The following IQSEC1 variants were observed in gnomAD, a reference collection of about 807,000 sequenced individuals.
IQSEC1 encodes the protein IQ motif and Sec7 domain ArfGEF 1.
A neutral mutation model predicts 91.0 loss-of-function variants in IQSEC1; 31 were observed. The ratio of observed to expected loss-of-function variants is 0.34; its 90% CI spans 0.26 to 0.46. IQSEC1 has a LOEUF of 0.46. IQSEC1 is among the 20% of genes least tolerant of loss of function. IQSEC1 has a pLI of 1.00. For synonymous variants in IQSEC1, 699 were observed against 662.6 expected, an observed-to-expected ratio of 1.05 and a Z score of -0.84; for missense variants, 1,388 against 1,575.6, an observed-to-expected ratio of 0.88 and a Z score of 2.02.
At chr3:12,999,716 G>A (rs1230459607) in intron 1 of IQSEC1, among the ~76,000 whole-genome samples, 2 of 152,196 alleles carry the variant, frequency 1.3e-5, no homozygotes, top group African/African-American at 4.8e-5. Context: ...TGTCTCTGCA[G>A]TTCACCATCG....
In IQSEC1 at chr3:12,899,420, C is replaced by A. The variant is rs1188835435; in HGVS notation, c.*1563G>T. ...AGCACAGCACTGACGGCTGCAGTGGCTCGAAAGGCTGAAACTACAAAGTAT... is the reference window on the plus strand; with the variant it reads ...AGCACAGCACTGACGGCTGCAGTGGATCGAAAGGCTGAAACTACAAAGTAT... On this transcript the variant is annotated 3_prime_UTR_variant, in exon 14 of 14. Transcript: ENST00000613206. 6.2e-7 allele frequency: 1 copy of A among 1,611,626 alleles called. No homozygotes were observed. Among genetic ancestry groups the A allele is most frequent in the Non-Finnish European group, 8.5e-7 (1 of 1,179,432 alleles).
chr3:13,171,888 C>T (rs960233638), intron 1 of IQSEC1, among the ~76,000 whole-genome samples: 1 of 152,070 alleles, frequency 6.6e-6, no homozygotes. Flanking sequence ...GCAAGCGTCC[C>T]GGGCCAAAGG....
At chr3:13,189,933 T>A (rs945676125) in intron 1 of IQSEC1, among the ~76,000 whole-genome samples, 1 of 152,208 alleles carries the variant, frequency 6.6e-6, no homozygotes, top group Non-Finnish European at 1.5e-5. Context: ...AATCCTTTCA[T>A]GTCAGTTCCT....
In IQSEC1 at chr3:12,938,354, C is replaced by T. The variant is rs114874186; in HGVS notation, c.319-1657G>A. On this transcript the variant is annotated intron_variant, in intron 2 of 13. Coordinates refer to ENST00000613206, the MANE Select transcript of IQSEC1 (RefSeq NM_001134382.3). ...AATGCCAAACAGACGTCCAGCAAAT[C>T]GAAGGCTGTGGCCTGCACCAGGGAG... 5.6e-3 allele frequency among the ~76,000 whole-genome samples: 849 copies of T among 152,282 alleles called. 5 individuals carry two copies. The highest frequency in any genetic ancestry group is 9.0e-3 in the Non-Finnish European group (612 of 68,024).
rs557963347 is a variant in IQSEC1 at position 12,901,025 on chromosome 3, G to A, written c.3303C>T (p.Thr1101=). 5.2e-5 allele frequency: 80 copies of A among 1,544,636 alleles called. No homozygotes were observed. The Admixed American group carries it at 1.1e-3, about 22-fold the overall frequency. Residue 1101 remains threonine, a synonymous_variant, in exon 14 of 14, where the codon ACC becomes ACT. Transcript: ENST00000613206. ...HGQPPAPPPP[T]SSKAKPSGIS... ...TGCCGCTGGGTTTGGCCTTGCTGCTGGTGGGGGGCGGCGGGGCAGGGGGCT... is the reference window on the plus strand; with the variant it reads ...TGCCGCTGGGTTTGGCCTTGCTGCTAGTGGGGGGCGGCGGGGCAGGGGGCT...
chr3:13,026,323 C>G (rs1255846407), intron 1 of IQSEC1, among the ~76,000 whole-genome samples: 1 of 152,246 alleles, frequency 6.6e-6, no homozygotes, highest in African/African-American at 2.4e-5. Context: ...AACCCCATCC[C>G]ACCCTGCACA....
Position 13,128,641 on chromosome 3 carries a change from G to A in IQSEC1, c.302+35463C>T, listed in dbSNP as rs9813918. On this transcript the variant is annotated intron_variant, in intron 2 of 15. Coordinates refer to the IQSEC1 transcript ENST00000648114. Reference sequence around the variant, plus strand: ...AGCACTTTGGGAGGCCGAGGCGGGCGGATCACGAGGTCAGGAGATCGAGAC... The same window carrying A: ...AGCACTTTGGGAGGCCGAGGCGGGCAGATCACGAGGTCAGGAGATCGAGAC... Among the ~76,000 whole-genome samples, 536 of 152,142 alleles carry A rather than the reference G, an allele frequency of 3.5e-3. 3 individuals are homozygous for A. The highest frequency in any genetic ancestry group is 0.012 in the African/African-American group (504 of 41,506).
intron 1 of IQSEC1, among the ~76,000 whole-genome samples, chr3:13,173,121 G>A (rs1222775524): frequency 6.6e-6 from 1 of 152,228 alleles, no homozygotes; most frequent in African/African-American, 2.4e-5. Context: ...ATCATTTTGT[G>A]TTGATAAAAT....
intron 1 of IQSEC1, among the ~76,000 whole-genome samples, chr3:12,989,399 A>G (rs1219965214): frequency 2.0e-5 from 3 of 152,238 alleles, no homozygotes; most frequent in African/African-American, 7.2e-5. Context: ...AAACAACTGT[A>G]TGATACTGAC....
intron 1 of IQSEC1, among the ~76,000 whole-genome samples, chr3:12,962,165 T>A (rs1325517126): frequency 6.6e-6 from 1 of 152,126 alleles, no homozygotes; most frequent in African/African-American, 2.4e-5. Flanking sequence ...TTCTGAAAGG[T>A]TTCCTCTCTC....
At chr3:13,087,324 G>A (rs1039397779) in intron 2 of IQSEC1, among the ~76,000 whole-genome samples, 2 of 152,218 alleles carry the variant, frequency 1.3e-5, no homozygotes, top group African/African-American at 4.8e-5. Flanking sequence ...AAGAGAAATA[G>A]CAAGAAAGAA....
intron 6 of IQSEC1, among the ~76,000 whole-genome samples, chr3:12,919,820 G>T (rs1696448188): frequency 6.6e-6 from 1 of 152,316 alleles, no homozygotes; most frequent in South Asian, 2.1e-4. Context: ...TTGGGAGAAG[G>T]TCACGGCCTT....
chr3:13,126,312 T>C (rs547566903), intron 2 of IQSEC1, among the ~76,000 whole-genome samples: 1 of 152,390 alleles, frequency 6.6e-6, no homozygotes, highest in South Asian at 2.1e-4. Context: ...CACTTGGTTA[T>C]GATTACTTTT....
chr3:12,901,047 G>A lies in IQSEC1; in HGVS notation c.3281C>T (p.Pro1094Leu). The change falls in exon 14 of 14, where the codon CCC becomes CTC. Residue 1094 changes from proline (P) to leucine (L), a missense_variant. Physicochemically the swap from Pro to Leu is moderately conservative, Grantham distance 98 (BLOSUM62 -3). Transcript: ENST00000613206. ...GCTGGTGGGGGGCGGCGGGGCAGGGGGCTGCCCATGGTGGTGCACTGTGTG... is the reference window on the plus strand; with the variant it reads ...GCTGGTGGGGGGCGGCGGGGCAGGGAGCTGCCCATGGTGGTGCACTGTGTG... The part of the protein sequence containing the change: ...VGHTVHHHGQ[P>L]PAPPPPTSSK... 3.9e-6 allele frequency: 6 copies of A among 1,542,208 alleles called. No homozygotes were observed. The highest frequency in any genetic ancestry group is 5.2e-6 in the Non-Finnish European group (6 of 1,146,032).
At chr3:13,141,549 G>T (rs958587736) in intron 2 of IQSEC1, among the ~76,000 whole-genome samples, 4 of 152,212 alleles carry the variant, frequency 2.6e-5, no homozygotes, top group African/African-American at 9.7e-5. Context: ...GATAAATGAG[G>T]CAGGGAGCTG....
At chr3:13,077,030 CTT>C (rs11360262), upstream of IQSEC1, among the ~76,000 whole-genome samples, 30,132 of 144,724 alleles carry the variant, frequency 0.21, 3,073 homozygotes, top group Middle Eastern at 0.38. Flanking sequence ...TTCTTTCTTT[CTT>C]TTTTTTTTTT....
chr3:12,923,669 GCA>G (rs1169593273), intron 4 of IQSEC1, among the ~76,000 whole-genome samples: 1 of 152,206 alleles, frequency 6.6e-6, no homozygotes, highest in African/African-American at 2.4e-5. Flanking sequence ...AAGGGCGACG[GCA>G]CCCTCTGCCT....
intron 1 of IQSEC1, among the ~76,000 whole-genome samples, chr3:13,264,426 G>A (rs1014064332): frequency 2.6e-4 from 40 of 152,180 alleles, no homozygotes; most frequent in African/African-American, 7.5e-4. Context: ...CCTGGGTCTC[G>A]GTCTTGTGTT....
At chr3:13,016,155 A>G (rs1341991993) in intron 1 of IQSEC1, among the ~76,000 whole-genome samples, 1 of 152,150 alleles carries the variant, frequency 6.6e-6, no homozygotes, top group Non-Finnish European at 1.5e-5. Flanking sequence ...AGGGCCCCCC[A>G]CATCCCCCAC....
Sources: allele counts gnomAD v4.1 joint callset (sites outside exome capture counted in the v4.1 genomes callset), GRCh38; gene constraint gnomAD v4.1.1; transcripts MANE v1.5; gene names NCBI Gene and HGNC (gene_info 2026-07-23, HGNC 2026-07-21).